The following PBX1 variants were observed in gnomAD, a reference collection of about 807,000 sequenced individuals.
PBX1 encodes the protein PBX homeobox 1, also known as pre-B-cell leukemia transcription factor 1.
PBX1 carries 6 observed loss-of-function variants against 53.4 expected under a neutral mutation model. That is an observed-to-expected ratio of 0.11 (90% CI 0.06 to 0.22). The LOEUF (loss-of-function observed/expected upper bound fraction) is 0.22, where lower values mean the gene tolerates loss of function less well. PBX1 is among the 10% of genes least tolerant of loss of function. The pLI is 1.00. For missense variants in PBX1, 251 were observed against 551.4 expected, an observed-to-expected ratio of 0.46 and a Z score of 5.46; for synonymous variants, 204 against 212.3, an observed-to-expected ratio of 0.96 and a Z score of 0.34.
At chr1:164,594,316 C>T (rs970802400) in intron 2 of PBX1, among the ~76,000 whole-genome samples, 15 of 151,942 alleles carry the variant, frequency 9.9e-5, no homozygotes, top group Admixed American at 3.9e-4. Flanking sequence ...TTTTTTGAGA[C>T]GGAGTCTTGC....
rs534545850 is a variant in PBX1, at chr1:164,791,537, T to C, written c.266-957T>C. Among the ~76,000 whole-genome samples, 561 of 152,310 alleles carry C rather than the reference T, an allele frequency of 3.7e-3. 2 individuals carry two copies. Among genetic ancestry groups the C allele is most frequent in the African/African-American group, 0.013 (547 of 41,566 alleles). Reference sequence around the variant, plus strand: ...TATGTTAGACCTCACTCTCTGCTAGTCCACAGGAAAGGTCTGAAGATTTCG... The same window carrying C: ...TATGTTAGACCTCACTCTCTGCTAGCCCACAGGAAAGGTCTGAAGATTTCG... On this transcript the variant is annotated intron_variant, in intron 2 of 8. Coordinates refer to ENST00000420696, the MANE Select transcript of PBX1 (RefSeq NM_002585.4).
At chr1:164,798,846 C>A (rs1207444227) in intron 3 of PBX1, among the ~76,000 whole-genome samples, 1 of 152,174 alleles carries the variant, frequency 6.6e-6, no homozygotes, top group African/African-American at 2.4e-5. Context: ...AAGGCCAGAA[C>A]AGGAGAGGAA....
chr1:164,756,092 G>A (rs558105711), intron 2 of PBX1, among the ~76,000 whole-genome samples: 1 of 151,968 alleles, frequency 6.6e-6, no homozygotes, highest in Admixed American at 6.6e-5. Flanking sequence ...GTGCTGGCAC[G>A]TTGCCCCTTA....
intron 2 of PBX1, among the ~76,000 whole-genome samples, chr1:164,758,005 G>A (rs1308389488): frequency 1.3e-5 from 2 of 152,158 alleles, no homozygotes; most frequent in African/African-American, 4.8e-5. Context: ...TTTTCCTACA[G>A]ATGGAACTGT....
intron 2 of PBX1, among the ~76,000 whole-genome samples, chr1:164,881,257 G>A (rs1305462524): frequency 1.3e-5 from 2 of 151,554 alleles, no homozygotes; most frequent in Non-Finnish European, 1.5e-5. Flanking sequence ...ACTTGGAAGA[G>A]TCTTGAAGAA....
chr1:164,753,138 A>C (rs545368345), intron 2 of PBX1, among the ~76,000 whole-genome samples: 2 of 152,326 alleles, frequency 1.3e-5, no homozygotes, highest in South Asian at 2.1e-4. Context: ...GAACCTCTAC[A>C]TTCATTTCTT....
At chr1:164,649,340 G>C (rs1291746742) in intron 2 of PBX1, among the ~76,000 whole-genome samples, 1 of 152,126 alleles carries the variant, frequency 6.6e-6, no homozygotes, top group Non-Finnish European at 1.5e-5. Context: ...AGTATGAGGT[G>C]CTGACTCATC....
intron 2 of PBX1, among the ~76,000 whole-genome samples, chr1:164,870,356 T>TTCCTTC (rs1672352009): frequency 2.5e-5 from 2 of 80,252 alleles, no homozygotes; most frequent in African/African-American, 8.4e-5. Flanking sequence ...TTTCTTTCTT[T>TTCCTTC]CTTTCGAGAT....
rs973144359 is a variant in PBX1, at chr1:164,746,883, A to G, written c.266-45611A>G. Among the ~76,000 whole-genome samples the G allele has an allele frequency of 2.0e-4, 31 of 152,286 alleles. 1 individual carries two copies. The highest frequency in any genetic ancestry group is 1.9e-3 in the Admixed American group (29 of 15,296). ...GGGTTGCTGGCAGAAGAGCTATTAC[A>G]AGATCCTACTCTTCTGATGTAGGGC... On this transcript the variant is annotated intron_variant, in intron 2 of 8. Coordinates refer to ENST00000420696, the MANE Select transcript of PBX1 (RefSeq NM_002585.4).
chr1:164,582,621 T>C (rs753191964), intron 2 of PBX1, among the ~76,000 whole-genome samples: 3 of 151,910 alleles, frequency 2.0e-5, no homozygotes, highest in African/African-American at 7.3e-5. Context: ...TGGGGTTTCA[T>C]CATATTGGTC....
chr1:164,581,375 G>A (rs1015879878), intron 2 of PBX1, among the ~76,000 whole-genome samples: 11 of 151,968 alleles, frequency 7.2e-5, no homozygotes, highest in African/African-American at 2.4e-4. Flanking sequence ...TTACAGGCAC[G>A]GGCCACCGCG....
intron 2 of PBX1, among the ~76,000 whole-genome samples, chr1:164,752,637 T>C (rs1273827060): frequency 1.3e-5 from 2 of 152,186 alleles, no homozygotes; most frequent in African/African-American, 4.8e-5. Flanking sequence ...TCATAAACAC[T>C]ATGAGGGCTT....
chr1:164,570,370 C>G (rs370149339), intron 2 of PBX1, among the ~76,000 whole-genome samples: 2 of 152,110 alleles, frequency 1.3e-5, no homozygotes, highest in Non-Finnish European at 2.9e-5. Flanking sequence ...TCCCCCACCC[C>G]CTGACAGGCC....
chr1:164,679,586 A>G (rs1390520426), intron 2 of PBX1, among the ~76,000 whole-genome samples: 1 of 152,210 alleles, frequency 6.6e-6, no homozygotes, highest in Non-Finnish European at 1.5e-5. Context: ...ATTGTCAACA[A>G]CTACAACAAT....
chr1:164,863,123 A>G (rs1672137380), intron 2 of PBX1, among the ~76,000 whole-genome samples: 1 of 152,216 alleles, frequency 6.6e-6, no homozygotes, highest in African/African-American at 2.4e-5. Flanking sequence ...GAAATGAATG[A>G]TTATCTCAGA....
At chr1:164,595,051 G>A (rs1354021227) in intron 2 of PBX1, among the ~76,000 whole-genome samples, 1 of 152,204 alleles carries the variant, frequency 6.6e-6, no homozygotes, top group Non-Finnish European at 1.5e-5. Flanking sequence ...CTCTTATGCA[G>A]TCTATAGCCT....
chr1:164,664,119 A>G (rs1466447836), intron 2 of PBX1, among the ~76,000 whole-genome samples: 1 of 152,240 alleles, frequency 6.6e-6, no homozygotes, highest in Non-Finnish European at 1.5e-5. Flanking sequence ...TGTCTGTTCA[A>G]GAGAAGGACA....
chr1:164,858,241 G>C (rs1672018759), intron 2 of PBX1, among the ~76,000 whole-genome samples: 2 of 151,944 alleles, frequency 1.3e-5, no homozygotes, highest in Admixed American at 1.3e-4. Flanking sequence ...ATTTCTCCTA[G>C]AAAATCTGAG....
chr1:164,804,898 G>A (rs1281500141), intron 4 of PBX1, among the ~76,000 whole-genome samples: 1 of 152,224 alleles, frequency 6.6e-6, no homozygotes, highest in African/African-American at 2.4e-5. Flanking sequence ...AAATGGAGCT[G>A]ATTTGGGTAA....
Sources: allele counts gnomAD v4.1 joint callset (sites outside exome capture counted in the v4.1 genomes callset), GRCh38; gene constraint gnomAD v4.1.1; transcripts MANE v1.5; gene names NCBI Gene and HGNC (gene_info 2026-07-23, HGNC 2026-07-21).